GPC3: variants seen among roughly 807,000 people sequenced by gnomAD.
The protein encoded by GPC3 is glypican 3, also known as glypican-3.
A neutral mutation model predicts 34.4 loss-of-function variants in GPC3; 3 were observed. The ratio of observed to expected loss-of-function variants is 0.09; its 90% CI spans 0.04 to 0.23. The LOEUF is 0.23. GPC3 is among the 10% of genes least tolerant of loss of function. GPC3 has a pLI of 1.00. For synonymous variants in GPC3, 177 were observed against 174.0 expected (o/e 1.02, Z -0.13); for missense variants, 351 against 445.6 (o/e 0.79, Z 1.91).
At chrX:133,947,912 A>G (rs765169991) in intron 2 of GPC3, among the ~76,000 whole-genome samples, 1 of 111,839 alleles carries the variant, frequency 8.9e-6, no homozygotes, top group African/African-American at 3.3e-5. Context: ...AGTTTTGATT[A>G]GACATCAGTG....
At chrX:133,964,503 A>T (rs1041522055) in intron 1 of GPC3, among the ~76,000 whole-genome samples, 3 of 112,062 alleles carry the variant, frequency 2.7e-5, no homozygotes, top group African/African-American at 9.7e-5. Flanking sequence ...ATGAGGTAAG[A>T]CCTAAAGCCC....
At chrX:133,939,645 G>T (rs2124627256) in intron 2 of GPC3, among the ~76,000 whole-genome samples, 1 of 111,843 alleles carries the variant, frequency 8.9e-6, no homozygotes, top group African/African-American at 3.2e-5. Context: ...GAGACCAAAG[G>T]AGCTTAACTG....
intron 2 of GPC3, among the ~76,000 whole-genome samples, chrX:133,858,954 G>A (rs1226852218): frequency 1.8e-5 from 2 of 108,542 alleles, no homozygotes; most frequent in Admixed American, 9.8e-5. Flanking sequence ...GGTGGCAGCC[G>A]CCTGTAGTCC....
chrX:133,865,421 C>T (rs1008837770), intron 2 of GPC3, among the ~76,000 whole-genome samples: 3 of 111,827 alleles, frequency 2.7e-5, no homozygotes, highest in African/African-American at 9.8e-5. Flanking sequence ...TGGAAAGTCA[C>T]AGGCAATCCT....
At chrX:133,733,115 C>A (rs1360529072) in intron 3 of GPC3, among the ~76,000 whole-genome samples, 2 of 110,989 alleles carry the variant, frequency 1.8e-5, no homozygotes, top group African/African-American at 6.6e-5. Flanking sequence ...TTGAAAGGAA[C>A]GAAATAAGAT....
At chrX:133,944,042 A>G (rs990518140) in intron 2 of GPC3, among the ~76,000 whole-genome samples, 5 of 111,125 alleles carry the variant, frequency 4.5e-5, no homozygotes, top group African/African-American at 1.6e-4. Context: ...TTAGAAATCT[A>G]TTTCTATCAA....
chrX:133,966,906 C>T (rs891834983), intron 1 of GPC3, among the ~76,000 whole-genome samples: 1 of 112,047 alleles, frequency 8.9e-6, no homozygotes, highest in Non-Finnish European at 1.9e-5. Flanking sequence ...CCTTCTCCTA[C>T]CCTCATGTAA....
At chrX:133,802,194 T>A (rs2075613247) in intron 2 of GPC3, among the ~76,000 whole-genome samples, 1 of 111,856 alleles carries the variant, frequency 8.9e-6, no homozygotes, top group African/African-American at 3.2e-5. Flanking sequence ...TACTCTAATC[T>A]TAAACATGGT....
intron 2 of GPC3, among the ~76,000 whole-genome samples, chrX:133,775,950 G>T (rs1460072318): frequency 9.8e-5 from 11 of 111,676 alleles, no homozygotes; most frequent in African/African-American, 3.2e-4. Context: ...AGGTAAGACT[G>T]CAAAGTTAAT....
intron 2 of GPC3, among the ~76,000 whole-genome samples, chrX:133,904,569 T>G (rs2124602055): frequency 9.0e-6 from 1 of 111,718 alleles, no homozygotes; most frequent in African/African-American, 3.2e-5. Context: ...AGAGGAAAGA[T>G]TCCCAAAACC....
rs7055292 is a variant in GPC3 at position 133,700,363 on chromosome X, T to C, written c.1033-335A>G. On this transcript the variant is annotated intron_variant, in intron 3 of 7. Transcript: ENST00000370818. ...CTTTCAATGGCACTTAGTATTAATA[T>C]GTATGAAGAAGTTCACAAAAGGGAA... Among the ~76,000 whole-genome samples, 7,535 of 111,676 alleles carry C rather than the reference T, an allele frequency of 0.067. 660 individuals are homozygous for C. The highest frequency in any genetic ancestry group is 0.23 in the African/African-American group (7,059 of 30,591).
chrX:133,713,326 T>C, intron 3 of GPC3, among the ~76,000 whole-genome samples: 1 of 112,388 alleles, frequency 8.9e-6, no homozygotes, highest in Middle Eastern at 4.6e-3. Flanking sequence ...CACTTTATCA[T>C]AAGTCAGGGT....
At chrX:133,795,067 G>A (rs1420045631) in intron 2 of GPC3, among the ~76,000 whole-genome samples, 1 of 111,961 alleles carries the variant, frequency 8.9e-6, no homozygotes, top group Non-Finnish European at 1.9e-5. Flanking sequence ...TCACTGAACC[G>A]CTATGTATCA....
chrX:133,549,860 CCTCT>C (rs769346142), intron 7 of GPC3, among the ~76,000 whole-genome samples: 1 of 96,180 alleles, frequency 1.0e-5, no homozygotes, highest in Admixed American at 1.1e-4. Context: ...TCCTTCCCTC[CCTCT>C]CTCTCTTCCT....
chrX:133,721,416 T>C (rs374056801), intron 3 of GPC3, among the ~76,000 whole-genome samples: 1 of 110,516 alleles, frequency 9.0e-6, no homozygotes, highest in East Asian at 2.8e-4. Context: ...TAGATAACTT[T>C]GATGAAATGG....
At chrX:133,548,552 A>C (rs1603148066) in intron 7 of GPC3, among the ~76,000 whole-genome samples, 1 of 112,235 alleles carries the variant, frequency 8.9e-6, no homozygotes, top group Non-Finnish European at 1.9e-5. Context: ...CACCCTATCC[A>C]GTAATCAACA....
At chrX:133,832,366 A>G (rs2075779433) in intron 2 of GPC3, among the ~76,000 whole-genome samples, 1 of 109,582 alleles carries the variant, frequency 9.1e-6, no homozygotes, top group African/African-American at 3.3e-5. Context: ...TCTAACACCA[A>G]TCTCTGCTGT....
intron 3 of GPC3, among the ~76,000 whole-genome samples, chrX:133,748,464 T>C (rs776313011): frequency 8.9e-6 from 1 of 111,883 alleles, no homozygotes; most frequent in Non-Finnish European, 1.9e-5. Flanking sequence ...TTTGTATAGA[T>C]ATTTATCTCA....
rs755544588 is a variant in GPC3 at position 133,692,406 on chromosome X, C to T, written c.1255G>A (p.Asp419Asn). Residue 419 changes from aspartate to asparagine, a missense_variant, in exon 5 of 8, where the codon GAC (aspartate) becomes AAC (asparagine). Coordinates refer to ENST00000370818, the MANE Select transcript of GPC3 (RefSeq NM_004484.4). The stretch of plus-strand genomic sequence containing the variant: ...TCTTGTCCATTCCAGCAAAGGGTGT[C>T]GTTTTCCGCCACAGGGCTATGGCTG... ...ICSHSPVAEN[D>N]TLCWNGQELV... The T allele has an allele frequency of 3.3e-6, 4 of 1,209,521 alleles. No homozygotes were observed. The highest frequency in any genetic ancestry group is 1.8e-5 in the South Asian group (1 of 56,864).
Sources: gnomAD v4.1 joint callset for allele counts (sites outside exome capture counted in the v4.1 genomes callset) on GRCh38, gnomAD v4.1.1 for gene constraint, MANE v1.5 for transcripts, NCBI Gene and HGNC (gene_info 2026-07-23, HGNC 2026-07-21) for gene names.